SLC16A12: variants seen among roughly 807,000 people sequenced by gnomAD.
SLC16A12 encodes the protein solute carrier family 16 member 12.
SLC16A12 carries 17 observed loss-of-function variants against 42.4 expected under a neutral mutation model. The observed-to-expected ratio is 0.40, with a 90% CI of 0.27 to 0.60. SLC16A12 has a LOEUF of 0.60. SLC16A12 is among the 20% of genes least tolerant of loss of function. The pLI, the probability that SLC16A12 is intolerant of heterozygous loss-of-function variation, is 0.42. For missense variants in SLC16A12, 544 were observed against 623.0 expected, an observed-to-expected ratio of 0.87 and a Z score of 1.35; for synonymous variants, 224 against 229.4, an observed-to-expected ratio of 0.98 and a Z score of 0.21.
At chr10:89,459,041 T>C (rs1274371160) in intron 3 of SLC16A12, among the ~76,000 whole-genome samples, 4 of 152,210 alleles carry the variant, frequency 2.6e-5, no homozygotes, top group Non-Finnish European at 5.9e-5. Context: ...GGAGAAAAGT[T>C]GAAGAGCACT....
chr10:89,530,534 C>G (rs1843530435), intron 2 of SLC16A12, among the ~76,000 whole-genome samples: 1 of 152,010 alleles, frequency 6.6e-6, no homozygotes, highest in African/African-American at 2.4e-5. Context: ...TCTCCTGCCT[C>G]AGCCTCCCGA....
intron 2 of SLC16A12, among the ~76,000 whole-genome samples, chr10:89,542,723 G>A (rs747719987): frequency 7.2e-5 from 11 of 152,052 alleles, no homozygotes; most frequent in African/African-American, 2.2e-4. Context: ...CTCTCTCCCC[G>A]CCCAACTATA....
intron 3 of SLC16A12, 29 bp from the exon 4 acceptor site, chr10:89,443,888 CA>C (rs763187505): frequency 1.4e-6 from 2 of 1,411,902 alleles, no homozygotes; most frequent in South Asian, 2.3e-5. Flanking sequence ...GCATTTTATA[CA>C]AAAAATGAAT....
upstream of SLC16A12, among the ~76,000 whole-genome samples, chr10:89,539,894 T>C (rs1421045983): frequency 2.7e-5 from 4 of 147,418 alleles, no homozygotes; most frequent in Admixed American, 2.0e-4. Context: ...TCTTTCTTTC[T>C]TTCTTTCTTT....
chr10:89,494,041 A>T (rs1478634423), intron 2 of SLC16A12, among the ~76,000 whole-genome samples: 1 of 152,242 alleles, frequency 6.6e-6, no homozygotes, highest in Non-Finnish European at 1.5e-5. Context: ...TGGTAAACTA[A>T]TTTAATCCCC....
chr10:89,533,809 C>T (rs2133874581), intron 2 of SLC16A12, among the ~76,000 whole-genome samples: 1 of 151,210 alleles, frequency 6.6e-6, no homozygotes, highest in Middle Eastern at 3.4e-3. Flanking sequence ...ATCAACCTCT[C>T]ATCTATTTCA....
At chr10:89,452,064 T>A (rs956556143) in intron 3 of SLC16A12, among the ~76,000 whole-genome samples, 1 of 152,232 alleles carries the variant, frequency 6.6e-6, no homozygotes, top group East Asian at 1.9e-4. Context: ...ATTTCTATCA[T>A]ATCCTTTTTC....
chr10:89,487,995 T>TATATATACAC lies in SLC16A12; in HGVS notation c.-46-25372_-46-25371insGTGTATATAT, dbSNP rs770274570. 8.9e-5 allele frequency among the ~76,000 whole-genome samples: 11 copies of TATATATACAC among 122,984 alleles called. No individual in the cohort carries two copies. In the East Asian group the frequency reaches 1.6e-3, roughly 18 times the overall value. 80.7% of individuals were successfully genotyped at this position (122,984 alleles called of 152,430 possible). On this transcript the variant is annotated intron_variant, in intron 2 of 7. Coordinates refer to ENST00000371790, the MANE Select transcript of SLC16A12 (RefSeq NM_213606.4). The stretch of plus-strand genomic sequence containing the variant: ...ATATATATATATATATATATATATA[T>TATATATACAC]ACACACACACATTTATTATACCATA...
chr10:89,554,142 A>G (rs551656014), intron 2 of SLC16A12, among the ~76,000 whole-genome samples: 4 of 151,352 alleles, frequency 2.6e-5, no homozygotes, highest in African/African-American at 9.7e-5. Flanking sequence ...GAAGGAAGGA[A>G]GGAAAGAAAG....
chr10:89,551,991 A>G (rs1843773697), intron 2 of SLC16A12, among the ~76,000 whole-genome samples: 1 of 152,188 alleles, frequency 6.6e-6, no homozygotes, highest in South Asian at 2.1e-4. Flanking sequence ...GCTGGAGCGC[A>G]GTGGTGTGAT....
chr10:89,485,928 A>G (rs1039567967), intron 2 of SLC16A12, among the ~76,000 whole-genome samples: 8 of 152,348 alleles, frequency 5.3e-5, no homozygotes, highest in African/African-American at 1.4e-4. Context: ...ATAAAAATTC[A>G]TGCATATAAG....
At chr10:89,486,425 A>G (rs578093490) in intron 2 of SLC16A12, among the ~76,000 whole-genome samples, 36 of 152,008 alleles carry the variant, frequency 2.4e-4, no homozygotes, top group Admixed American at 9.8e-4. Context: ...AACCTTCTCT[A>G]CGAAATATAG....
chr10:89,483,851 G>C (rs532466436), intron 2 of SLC16A12, among the ~76,000 whole-genome samples: 1 of 150,716 alleles, frequency 6.6e-6, no homozygotes, highest in Non-Finnish European at 1.5e-5. Flanking sequence ...TTTTACACAT[G>C]TTCACTCATT....
chr10:89,501,271 C>A (rs564498246), intron 2 of SLC16A12, among the ~76,000 whole-genome samples: 32 of 152,134 alleles, frequency 2.1e-4, no homozygotes, highest in Non-Finnish European at 4.3e-4. Flanking sequence ...ATCAAAATAC[C>A]ACCATTATTC....
At chr10:89,522,595 C>A (rs1457927202) in intron 2 of SLC16A12, among the ~76,000 whole-genome samples, 1 of 152,176 alleles carries the variant, frequency 6.6e-6, no homozygotes, top group Admixed American at 6.5e-5. Context: ...TGTGACTCAG[C>A]AAAAATGTAT....
chr10:89,519,240 G>T (rs191082093), intron 2 of SLC16A12, among the ~76,000 whole-genome samples: 2 of 152,196 alleles, frequency 1.3e-5, no homozygotes, highest in East Asian at 3.9e-4. Flanking sequence ...GTGGGAGAAA[G>T]GTGAGGGTCA....
intron 2 of SLC16A12, among the ~76,000 whole-genome samples, chr10:89,549,497 A>G (rs999665913): frequency 1.1e-4 from 17 of 152,360 alleles, no homozygotes; most frequent in African/African-American, 3.8e-4. Context: ...AGTTTCTAGC[A>G]ATATAAATAA....
At chr10:89,538,915 G>A (rs568665978), upstream of SLC16A12, among the ~76,000 whole-genome samples, 10 of 152,116 alleles carry the variant, frequency 6.6e-5, no homozygotes, top group South Asian at 8.3e-4. Flanking sequence ...TGGCAATAAC[G>A]TCCCTTCCCA....
intron 2 of SLC16A12, among the ~76,000 whole-genome samples, chr10:89,533,734 A>C (rs542180978): frequency 6.6e-6 from 1 of 152,010 alleles, no homozygotes; most frequent in East Asian, 1.9e-4. Flanking sequence ...AAAATAATTT[A>C]AAATATTACT....
Sources: allele counts gnomAD v4.1 joint callset (sites outside exome capture counted in the v4.1 genomes callset), GRCh38; gene constraint gnomAD v4.1.1; transcripts MANE v1.5; gene names NCBI Gene and HGNC (gene_info 2026-07-23, HGNC 2026-07-21).